The following PTPRE variants were observed in gnomAD, a reference collection of about 807,000 sequenced individuals.
PTPRE encodes the protein protein tyrosine phosphatase receptor type E.
In PTPRE, 51 loss-of-function variants were observed where a neutral mutation model predicts 102.0. The observed-to-expected ratio is 0.50, with a 90% CI of 0.40 to 0.63. The LOEUF is 0.63. Ranked by LOEUF, PTPRE falls within the 30% of genes least tolerant of loss-of-function variation. The pLI is 0.00. For missense variants in PTPRE, 752 were observed against 915.1 expected, an observed-to-expected ratio of 0.82 and a Z score of 2.30; for synonymous variants, 345 against 348.2, an observed-to-expected ratio of 0.99 and a Z score of 0.10.
At chr10:127,982,191 C>T (rs1031195517) in intron 1 of PTPRE, 83 bp from the exon 2 acceptor site, 18 of 848,928 alleles carry the variant, frequency 2.1e-5, no homozygotes, top group African/African-American at 1.8e-5. Flanking sequence ...TCGACTAGTG[C>T]TGTACAGAAG....
chr10:127,947,506 C>T (rs1185510040), intron 1 of PTPRE, among the ~76,000 whole-genome samples: 6 of 152,224 alleles, frequency 3.9e-5, no homozygotes, highest in African/African-American at 1.4e-4. Flanking sequence ...TTTTATTTAT[C>T]TCTTAATGCT....
At chr10:127,910,968 G>A (rs1845830437) in intron 1 of PTPRE, among the ~76,000 whole-genome samples, 1 of 152,158 alleles carries the variant, frequency 6.6e-6, no homozygotes, top group African/African-American at 2.4e-5. Context: ...TGTAGTCCCA[G>A]CTACTCAGGA....
At chr10:128,061,867 G>T (rs1210005468) in intron 9 of PTPRE, 152 bp downstream of exon 9, 2 of 1,018,656 alleles carry the variant, frequency 2.0e-6, no homozygotes, top group Non-Finnish European at 1.4e-6. Flanking sequence ...TCACACAACG[G>T]ATATGTGTAG....
intron 13 of PTPRE, 49 bp downstream of exon 13, chr10:128,069,876 C>G (rs753089371): frequency 1.9e-6 from 3 of 1,613,180 alleles, no homozygotes; most frequent in Non-Finnish European, 2.5e-6. Flanking sequence ...AAAGCAAACC[C>G]GATGCCTTCG....
At chr10:128,025,031 T>G (rs1342787164) in intron 2 of PTPRE, among the ~76,000 whole-genome samples, 1 of 151,750 alleles carries the variant, frequency 6.6e-6, no homozygotes, top group African/African-American at 2.4e-5. Context: ...TGATGGTGCA[T>G]AACTGTAGTT....
intron 7 of PTPRE, among the ~76,000 whole-genome samples, chr10:128,056,666 T>C (rs1379355987): frequency 2.0e-5 from 3 of 152,146 alleles, no homozygotes. Context: ...ACAAAAATAA[T>C]AGAATACGAA....
At chr10:128,053,905 C>T (rs1184727366) in intron 6 of PTPRE, among the ~76,000 whole-genome samples, 2 of 152,006 alleles carry the variant, frequency 1.3e-5, no homozygotes, top group African/African-American at 2.4e-5. Flanking sequence ...AGATTACAGG[C>T]GCCCACCACC....
chr10:128,013,209 T>C (rs1564882718), intron 2 of PTPRE, among the ~76,000 whole-genome samples: 2 of 152,184 alleles, frequency 1.3e-5, no homozygotes, highest in African/African-American at 2.4e-5. Flanking sequence ...GGAACTGTAT[T>C]ACTTCAAGTG....
chr10:127,931,824 C>T (rs1355840408), intron 1 of PTPRE, among the ~76,000 whole-genome samples: 1 of 152,190 alleles, frequency 6.6e-6, no homozygotes. Context: ...ATCTCCACAA[C>T]ACCATGGGCT....
chr10:127,911,038 C>T (rs939689168), intron 1 of PTPRE, among the ~76,000 whole-genome samples: 1 of 152,174 alleles, frequency 6.6e-6, no homozygotes, highest in South Asian at 2.1e-4. Context: ...GCCATGTTCA[C>T]ACAACTGCAC....
intron 2 of PTPRE, among the ~76,000 whole-genome samples, chr10:127,996,451 A>G (rs1589949277): frequency 1.3e-5 from 2 of 152,208 alleles, no homozygotes; most frequent in African/African-American, 2.4e-5. Context: ...TACTGTGTAC[A>G]TGCCCTGTTA....
chr10:128,074,172 C>T (rs1590235981), intron 17 of PTPRE, among the ~76,000 whole-genome samples: 1 of 152,328 alleles, frequency 6.6e-6, no homozygotes, highest in Non-Finnish European at 1.5e-5. Flanking sequence ...TAAATGGAAT[C>T]ATACAGTATG....
At chr10:128,064,718 C>T (rs1205366260) in intron 10 of PTPRE, among the ~76,000 whole-genome samples, 1 of 152,266 alleles carries the variant, frequency 6.6e-6, no homozygotes, top group African/African-American at 2.4e-5. Context: ...TTTTCCACTC[C>T]TGTGACTCAG....
At chr10:127,928,785 A>G (rs1416838043) in intron 1 of PTPRE, among the ~76,000 whole-genome samples, 2 of 152,268 alleles carry the variant, frequency 1.3e-5, no homozygotes, top group African/African-American at 4.8e-5. Context: ...GAATTCACTT[A>G]GAAAAACATC....
At chr10:127,936,790 C>G (rs1847874545) in intron 1 of PTPRE, among the ~76,000 whole-genome samples, 1 of 152,114 alleles carries the variant, frequency 6.6e-6, no homozygotes, top group Non-Finnish European at 1.5e-5. Context: ...TTGTGACCCA[C>G]CCCCCACCAG....
At chr10:128,007,473 G>C (rs557267143) in intron 2 of PTPRE, among the ~76,000 whole-genome samples, 1 of 152,328 alleles carries the variant, frequency 6.6e-6, no homozygotes, top group East Asian at 1.9e-4. Context: ...ATTTCCAATG[G>C]ATTTCTGGAA....
intron 2 of PTPRE, among the ~76,000 whole-genome samples, chr10:127,982,814 T>G (rs1851749654): frequency 6.6e-6 from 1 of 152,150 alleles, no homozygotes; most frequent in Non-Finnish European, 1.5e-5. Flanking sequence ...GCCTTTTGGG[T>G]CCAGGCAATG....
chr10:128,059,358 C>T (rs1849299388), intron 7 of PTPRE, among the ~76,000 whole-genome samples: 1 of 152,198 alleles, frequency 6.6e-6, no homozygotes, highest in South Asian at 2.1e-4. Flanking sequence ...CCTTTCTCTG[C>T]TGGCAGCCCG....
chr10:127,956,946 G>GT (rs957218831), intron 1 of PTPRE, among the ~76,000 whole-genome samples: 10 of 151,840 alleles, frequency 6.6e-5, no homozygotes, highest in African/African-American at 1.9e-4. Flanking sequence ...AGTTTTAAGA[G>GT]TTTTTTTTGT....
Sources: gnomAD v4.1 joint callset for allele counts (sites outside exome capture counted in the v4.1 genomes callset) on GRCh38, gnomAD v4.1.1 for gene constraint, MANE v1.5 for transcripts, NCBI Gene and HGNC (gene_info 2026-07-23, HGNC 2026-07-21) for gene names.